The following PLCD3 variants were observed in gnomAD, a reference collection of about 807,000 sequenced individuals.
PLCD3 encodes phospholipase C delta 3.
A neutral mutation model predicts 82.8 loss-of-function variants in PLCD3; 62 were observed. The observed-to-expected ratio is 0.75, with a 90% CI of 0.61 to 0.93. PLCD3 has a LOEUF of 0.93. Ranked by LOEUF, PLCD3 falls within the 40% of genes least tolerant of loss-of-function variation. The pLI, the probability that PLCD3 is intolerant of heterozygous loss-of-function variation, is 0.00. For missense variants in PLCD3, 1,023 were observed against 1,103.4 expected (o/e 0.93, Z 1.03); for synonymous variants, 478 against 471.8 (o/e 1.01, Z -0.17).
chr17:45,132,333 G>A lies in PLCD3; in HGVS notation c.78C>T (p.Val26=). Residue 26 remains valine, a synonymous_variant, in exon 1 of 15, where the codon GTC becomes GTT. Transcript: ENST00000619929. The surrounding 1 kb of genome is among the most constrained non-coding windows in gnomAD (Gnocchi z 4.6). The stretch of plus-strand genomic sequence containing the variant: ...GGGACGGGAGAGCGACCGGCGCCGC[G>A]ACTTGGGCTGCGACCTGGGCGGCCA... ...PPVAAQVAAQ[V]AAPVALPSPP... is the part of the protein sequence containing the mutation. 1.6e-6 allele frequency: 2 copies of A among 1,235,984 alleles called. No homozygotes were observed. Among genetic ancestry groups the A allele is most frequent in the East Asian group, 3.1e-5 (1 of 31,994 alleles). 76.6% of individuals were successfully genotyped at this position (1,235,984 alleles called of 1,614,324 possible).
chr17:45,121,517 G>A, intron 1 of PLCD3, 145 bp from the exon 2 acceptor site: 2 of 1,039,912 alleles, frequency 1.9e-6, no homozygotes, highest in Middle Eastern at 3.2e-4. Context: ...CCCCTCACAG[G>A]ACTCCCCTCC....
Position 45,115,407 on chromosome 17 carries a change from C to G in PLCD3, c.1497G>C (p.Glu499Asp). ...CCTCCTCGTCATCCTCCTCCTCCTC[C>G]TCCCGATCCGACAGAGCCCGGCCAT... ...SEDGRALSDR[E>D]EEEEDDEEEE... Residue 499 changes from glutamate (E) to aspartate (D), a missense_variant, in exon 9 of 15, where the codon GAG becomes GAC. This residue lies in a region of PLCD3 where 553 missense variants were observed against 655.7 expected (regional missense o/e 0.84). Coordinates refer to ENST00000619929, the MANE Select transcript of PLCD3 (RefSeq NM_133373.5). 6.2e-7 allele frequency: 1 copy of G among 1,611,224 alleles called. No individual in the cohort carries two copies. Among genetic ancestry groups the G allele is most frequent in the Non-Finnish European group, 8.5e-7 (1 of 1,179,212 alleles).
chr17:45,115,421 G>A lies in PLCD3; in HGVS notation c.1483C>T (p.Leu495=), dbSNP rs977734945. Residue 495 remains leucine (L), a synonymous_variant, in exon 9 of 15, where the codon CTG becomes TTG. Coordinates refer to ENST00000619929, the MANE Select transcript of PLCD3 (RefSeq NM_133373.5). ...PAARSEDGRA[L]SDREEEEEDD... The stretch of plus-strand genomic sequence containing the variant: ...TCCTCCTCCTCCTCCCGATCCGACA[G>A]AGCCCGGCCATCCTCGCTCCGAGCA... The A allele has an allele frequency of 1.2e-6, 2 of 1,611,508 alleles. No individual in the cohort carries two copies. The highest frequency in any genetic ancestry group is 1.7e-5 in the Admixed American group (1 of 59,838).
intron 1 of PLCD3, among the ~76,000 whole-genome samples, chr17:45,128,243 C>T (rs888883534): frequency 6.6e-6 from 1 of 152,210 alleles, no homozygotes; most frequent in African/African-American, 2.4e-5. Context: ...TTCCCTTGGC[C>T]CCGGGTGGGA....
At chr17:45,130,390 C>T (rs929124488) in intron 1 of PLCD3, among the ~76,000 whole-genome samples, 2 of 152,196 alleles carry the variant, frequency 1.3e-5, no homozygotes, top group African/African-American at 4.8e-5. Context: ...GTAGCCCCAG[C>T]CCCTGGCACA....
intron 8 of PLCD3, 137 bp downstream of exon 8, chr17:45,116,495 G>T: frequency 1.0e-6 from 1 of 977,772 alleles, no homozygotes; most frequent in Non-Finnish European, 1.4e-6. Context: ...GCAGACCTCA[G>T]ATGAACAGAG....
chr17:45,123,956 A>ACCCC lies in PLCD3; in HGVS notation c.164-2588_164-2585dup, dbSNP rs33990992. Among the ~76,000 whole-genome samples the ACCCC allele has an allele frequency of 1.5e-3, 199 of 129,220 alleles. 1 individual carries two copies. The highest frequency in any genetic ancestry group is 9.3e-3 in the Middle Eastern group (2 of 216). The allele number at this position is 129,220 out of a possible 152,430, so 84.8% of individuals were successfully genotyped here. ...CGTGCCAGGCCGAGGGGCTCACCAG[A>ACCCC]CCCCCCCCCCAACCAGGTCCAGGTA... is the stretch of plus-strand genomic sequence containing the variant. On this transcript the variant is annotated intron_variant, in intron 1 of 14. Transcript: ENST00000619929.
At chr17:45,117,265 T>G (rs1374634662) in intron 7 of PLCD3, among the ~76,000 whole-genome samples, 1 of 152,026 alleles carries the variant, frequency 6.6e-6, no homozygotes, top group African/African-American at 2.4e-5. Context: ...TGTTGTTGTC[T>G]ATGCTTTGGT....
intron 1 of PLCD3, among the ~76,000 whole-genome samples, chr17:45,128,587 G>A (rs1302709819): frequency 6.6e-6 from 1 of 152,242 alleles, no homozygotes; most frequent in Non-Finnish European, 1.5e-5. Context: ...ACTTGGTAGT[G>A]TGTGTAGGCT....
intron 11 of PLCD3, 77 bp from the exon 12 acceptor site, chr17:45,113,682 C>T: frequency 1.3e-6 from 2 of 1,497,960 alleles, no homozygotes; most frequent in Non-Finnish European, 1.8e-6. Context: ...GACTGCATTC[C>T]TCTCTACAAA....
intron 4 of PLCD3, 44 bp downstream of exon 4, chr17:45,120,281 A>T (rs377193967): frequency 8.7e-5 from 141 of 1,612,442 alleles, no homozygotes; most frequent in Non-Finnish European, 1.1e-4. Flanking sequence ...CAGAGGTCAG[A>T]GTGATGGCAG....
chr17:45,114,109 A>G (rs1194299857), intron 11 of PLCD3, 141 bp downstream of exon 11: 8 of 630,302 alleles, frequency 1.3e-5, no homozygotes, highest in Admixed American at 3.6e-5. Flanking sequence ...TGATTTTCCC[A>G]CCTACATTGC....
chr17:45,124,299 T>C (rs1226433523), intron 1 of PLCD3, among the ~76,000 whole-genome samples: 1 of 152,226 alleles, frequency 6.6e-6, no homozygotes, highest in Non-Finnish European at 1.5e-5. Flanking sequence ...GGGCCCCCAC[T>C]TGGGCAGGCT....
Position 45,112,711 on chromosome 17 carries a change from G to A in PLCD3, c.2282-7C>T, listed in dbSNP as rs1373847655. 1.2e-6 allele frequency: 2 copies of A among 1,601,910 alleles called. No individual in the cohort carries two copies. The highest frequency in any genetic ancestry group is 8.5e-7 in the Non-Finnish European group (1 of 1,174,476). Reference sequence around the variant, plus strand: ...AGGTGTATGTGGCGGTACCCTGTAGGGAGGACAGCCAGGCCTCAGGTCCTC... The same window carrying A: ...AGGTGTATGTGGCGGTACCCTGTAGAGAGGACAGCCAGGCCTCAGGTCCTC... On this transcript the variant is annotated splice_polypyrimidine_tract_variant and splice_region_variant and intron_variant, in intron 14 of 14. Coordinates refer to ENST00000619929, the MANE Select transcript of PLCD3 (RefSeq NM_133373.5).
chr17:45,113,621 G>C lies in PLCD3; in HGVS notation c.1829-16C>G. The C allele has an allele frequency of 6.4e-7, 1 of 1,552,924 alleles. No individual in the cohort carries two copies. Among genetic ancestry groups the C allele is most frequent in the Non-Finnish European group, 8.7e-7 (1 of 1,147,804 alleles). On this transcript the variant is annotated splice_polypyrimidine_tract_variant and intron_variant, in intron 11 of 14. Coordinates refer to ENST00000619929, the MANE Select transcript of PLCD3 (RefSeq NM_133373.5). ...TTCAAGGCCACTGTGGACACAGCAGGGTCAGAGCAGGGGCTCTTAGCGGCC... is the reference window on the plus strand; with the variant it reads ...TTCAAGGCCACTGTGGACACAGCAGCGTCAGAGCAGGGGCTCTTAGCGGCC...
rs1244678985 is a variant in PLCD3 at position 45,112,610 on chromosome 17, G to A, written c.*6C>T. 1.3e-6 allele frequency: 2 copies of A among 1,593,380 alleles called. No individual in the cohort carries two copies. Among genetic ancestry groups the A allele is most frequent in the East Asian group, 2.3e-5 (1 of 44,014 alleles). On this transcript the variant is annotated 3_prime_UTR_variant, in exon 15 of 15. Coordinates refer to ENST00000619929, the MANE Select transcript of PLCD3 (RefSeq NM_133373.5). ...CGCAGAACCCCAAGGCGAGTGAGGT[G>A]GGCCCTCAGGAGCGCTGGATGCGGA...
At chr17:45,115,034 A>C in intron 10 of PLCD3, 60 bp downstream of exon 10, 1 of 1,533,240 alleles carries the variant, frequency 6.5e-7, no homozygotes, top group Non-Finnish European at 8.8e-7. Context: ...TCCTTTCCAG[A>C]CTCCCTTCAG....
At chr17:45,120,480 A>C (rs1332133015) in intron 3 of PLCD3, 26 bp from the exon 4 acceptor site, 1 of 1,613,584 alleles carries the variant, frequency 6.2e-7, no homozygotes, top group South Asian at 1.1e-5. Context: ...AAATAACAGC[A>C]ACACGCCAGG....
intron 13 of PLCD3, 34 bp from the exon 14 acceptor site, chr17:45,113,046 GC>G: frequency 6.2e-7 from 1 of 1,601,740 alleles, no homozygotes; most frequent in Non-Finnish European, 8.5e-7. Flanking sequence ...GAGCCCAGGG[GC>G]CCCAGGACCC....
Sources: gnomAD v4.1 joint callset for allele counts (sites outside exome capture counted in the v4.1 genomes callset) on GRCh38, gnomAD v4.1.1 for gene constraint, gnomAD v4.1.1 regional missense constraint, Gnocchi (gnomAD v3.1) non-coding constraint, MANE v1.5 for transcripts, NCBI Gene and HGNC (gene_info 2026-07-23, HGNC 2026-07-21) for gene names.